The following GFPT1 variants were observed in gnomAD, a reference collection of about 807,000 sequenced individuals.
GFPT1 encodes glutamine--fructose-6-phosphate transaminase 1, also known as glutamine--fructose-6-phosphate aminotransferase [isomerizing] 1.
GFPT1 carries 40 observed loss-of-function variants against 92.0 expected under a neutral mutation model. The ratio of observed to expected loss-of-function variants is 0.43; its 90% confidence interval spans 0.34 to 0.57. The LOEUF is 0.57. Ranked by LOEUF, GFPT1 falls within the 20% of genes least tolerant of loss-of-function variation. GFPT1 has a pLI of 0.02. For missense variants in GFPT1, 448 were observed against 869.1 expected, an observed-to-expected ratio of 0.52 and a Z score of 6.09; for synonymous variants, 269 against 280.6, an observed-to-expected ratio of 0.96 and a Z score of 0.41.
chr2:69,365,852 A>C (rs1160965525), intron 3 of GFPT1, among the ~76,000 whole-genome samples: 1 of 152,004 alleles, frequency 6.6e-6, no homozygotes, highest in Non-Finnish European at 1.5e-5. Flanking sequence ...TCTTGTGCCC[A>C]AGCTGGAGTA....
intron 15 of GFPT1, chr2:69,334,565 TAAC>T (rs1032744567): frequency 2.6e-5 from 4 of 152,124 alleles, no homozygotes; most frequent in African/African-American, 9.7e-5. Flanking sequence ...ATGATACAAA[TAAC>T]AACATGAACA....
chr2:69,371,076 CTT>C (rs1156764424), intron 2 of GFPT1, among the ~76,000 whole-genome samples: 20 of 127,738 alleles, frequency 1.6e-4, no homozygotes, highest in Admixed American at 1.6e-4. Context: ...CTTTTCTTTT[CTT>C]TTTTTTTTTT....
chr2:69,385,720 CAAACTAA>C (rs1460561891), intron 1 of GFPT1, among the ~76,000 whole-genome samples: 4 of 152,048 alleles, frequency 2.6e-5, no homozygotes, highest in Non-Finnish European at 4.4e-5. Context: ...TTCACAGCTC[CAAACTAA>C]ATGCAAAACC....
intron 3 of GFPT1, 115 bp from the exon 4 acceptor site, chr2:69,363,785 G>A (rs1021362707): frequency 2.2e-5 from 17 of 785,860 alleles, no homozygotes; most frequent in Non-Finnish European, 3.2e-5. Context: ...TACAATCACT[G>A]AAACTAAAGA....
chr2:69,374,177 G>GATTTT, intron 1 of GFPT1, 64 bp from the exon 2 acceptor site: 1 of 801,410 alleles, frequency 1.2e-6, no homozygotes, highest in Non-Finnish European at 2.2e-6. Flanking sequence ...GCATAATTAT[G>GATTTT]TCAAGTATGT....
Position 69,354,475 on chromosome 2 carries a change from A to G in GFPT1, c.685+14T>C. ...TTCATATCTACTGCACTGCATTTGTAGAGGTAATTTTACCTGTTCTGTAGA... is the reference window on the plus strand; with the variant it reads ...TTCATATCTACTGCACTGCATTTGTGGAGGTAATTTTACCTGTTCTGTAGA... On this transcript the variant is annotated intron_variant, in intron 8 of 19. Coordinates refer to ENST00000357308, the MANE Select transcript of GFPT1 (RefSeq NM_001244710.2). 1 of 1,504,952 alleles carries G rather than the reference A, an allele frequency of 6.6e-7. No homozygotes were observed. Among genetic ancestry groups the G allele is most frequent in the Non-Finnish European group, 9.3e-7 (1 of 1,080,794 alleles). 93.2% of individuals were successfully genotyped at this position (1,504,952 alleles called of 1,614,324 possible).
Position 69,358,477 on chromosome 2 carries a change from G to GA in GFPT1, c.409-15dup, listed in dbSNP as rs753279036. Reference sequence around the variant, plus strand: ...GCCTTTGCTTTCCTGTAAGTAGAAAGAAAAAAAAGATACAATTAAAGAAAT... The same window carrying GA: ...GCCTTTGCTTTCCTGTAAGTAGAAAGAAAAAAAAAGATACAATTAAAGAAAT... On this transcript the variant is annotated splice_polypyrimidine_tract_variant and intron_variant, in intron 5 of 19. Coordinates refer to ENST00000357308, the MANE Select transcript of GFPT1 (RefSeq NM_001244710.2). 42 of 1,554,060 alleles carry GA rather than the reference G, an allele frequency of 2.7e-5. No homozygotes were observed. The highest frequency in any genetic ancestry group is 3.4e-5 in the Non-Finnish European group (38 of 1,132,452).
intron 17 of GFPT1, among the ~76,000 whole-genome samples, 186 bp from the exon 18 acceptor site, chr2:69,328,624 T>C (rs770554152): frequency 3.9e-5 from 6 of 152,180 alleles, no homozygotes; most frequent in South Asian, 2.1e-4. Flanking sequence ...CAACATGTAA[T>C]TGGAAGTTTT....
intron 15 of GFPT1, among the ~76,000 whole-genome samples, chr2:69,333,603 A>C (rs1393820414): frequency 6.6e-6 from 1 of 152,218 alleles, no homozygotes; most frequent in African/African-American, 2.4e-5. Flanking sequence ...ACAAAGTTAC[A>C]TTTTTATTTT....
At chr2:69,326,621 T>C (rs1670538506) in intron 19 of GFPT1, among the ~76,000 whole-genome samples, 2 of 152,194 alleles carry the variant, frequency 1.3e-5, no homozygotes, top group South Asian at 4.1e-4. Flanking sequence ...AGAATTGTCC[T>C]GCCAAATGCC....
chr2:69,362,835 C>T (rs1671509441), intron 4 of GFPT1, among the ~76,000 whole-genome samples: 2 of 151,928 alleles, frequency 1.3e-5, no homozygotes, highest in African/African-American at 4.8e-5. Flanking sequence ...GTTTCTAAAA[C>T]ATATTAAAGT....
chr2:69,385,546 T>A (rs879554156), intron 1 of GFPT1, among the ~76,000 whole-genome samples: 78 of 115,802 alleles, frequency 6.7e-4, no homozygotes, highest in Non-Finnish European at 1.1e-3. Flanking sequence ...ATTTATTTAT[T>A]TTTTTTTCAG....
At chr2:69,329,614 G>T in intron 16 of GFPT1, 70 bp downstream of exon 16, 1 of 1,096,718 alleles carries the variant, frequency 9.1e-7, no homozygotes, top group Non-Finnish European at 1.4e-6. Flanking sequence ...ACAGCTTCAA[G>T]GATAAGAGAA....
intron 15 of GFPT1, among the ~76,000 whole-genome samples, 177 bp from the exon 16 acceptor site, chr2:69,329,975 T>C (rs1670621431): frequency 1.3e-5 from 2 of 152,226 alleles, no homozygotes; most frequent in South Asian, 4.1e-4. Flanking sequence ...CTCAGCACTT[T>C]GGAAGGCCAG....
chr2:69,382,321 G>A (rs1672031783), intron 1 of GFPT1, among the ~76,000 whole-genome samples: 2 of 152,118 alleles, frequency 1.3e-5, no homozygotes, highest in Admixed American at 6.6e-5. Context: ...AAAGTTATAA[G>A]CATATGAATA....
In GFPT1 at chr2:69,329,667, T is replaced by C. The variant is rs1670613194; in HGVS notation, c.1597+17A>G. The C allele has an allele frequency of 1.3e-6, 2 of 1,510,898 alleles. No homozygotes were observed. The highest frequency in any genetic ancestry group is 1.4e-5 in the African/African-American group (1 of 73,074). 93.6% of individuals were successfully genotyped at this position (1,510,898 alleles called of 1,614,324 possible). A position where few individuals can be genotyped will look rare whatever the true frequency, so the allele number is the denominator to read the frequency against. ...TCCCTTAGACAACAAAAGTGTAATA[T>C]ATGAGTGTCTTTGTACCAGGCAGCC... On this transcript the variant is annotated intron_variant, in intron 16 of 19. Coordinates refer to ENST00000357308, the MANE Select transcript of GFPT1 (RefSeq NM_001244710.2).
At position 69,327,075 on chromosome 2, in the gene GFPT1, C is replaced by T; in HGVS notation, c.1894G>A (p.Gly632Arg). The change falls in exon 19 of 20, where the codon GGG becomes AGG. Residue 632 changes from glycine (G) to arginine (R), a missense_variant and splice_region_variant. Coordinates refer to ENST00000357308, the MANE Select transcript of GFPT1 (RefSeq NM_001244710.2). The stretch of plus-strand genomic sequence containing the variant: ...TTATCACAAATTACCACAGGCCGCC[C>T]CTAGGAAAGAAAATCACACACATAC... ...NALQQVVARQ[G>R]RPVVICDKED... is the part of the protein sequence containing the mutation. 2 of 1,613,854 alleles carry T rather than the reference C, an allele frequency of 1.2e-6. No homozygotes were observed. The highest frequency in any genetic ancestry group is 1.7e-6 in the Non-Finnish European group (2 of 1,179,922).
At chr2:69,328,121 A>C (rs1013687709) in intron 18 of GFPT1, 150 bp downstream of exon 18, 1 of 613,922 alleles carries the variant, frequency 1.6e-6, no homozygotes, top group African/African-American at 1.9e-5. Context: ...AAAAACTCTT[A>C]AGTATCTGAT....
At chr2:69,356,237 G>A (rs535865773) in intron 7 of GFPT1, among the ~76,000 whole-genome samples, 33 of 152,066 alleles carry the variant, frequency 2.2e-4, no homozygotes, top group Non-Finnish European at 3.8e-4. Context: ...CAGATGATCC[G>A]CCTGCCTCGA....
Sources: allele counts gnomAD v4.1 joint callset (sites outside exome capture counted in the v4.1 genomes callset), GRCh38; gene constraint gnomAD v4.1.1; transcripts MANE v1.5; gene names NCBI Gene and HGNC (gene_info 2026-07-23, HGNC 2026-07-21).